Variants in NT5DC2 observed in about 807,000 individuals in gnomAD.
NT5DC2 encodes the protein 5'-nucleotidase domain-containing protein 2.
In NT5DC2, 41 loss-of-function variants were observed where a neutral mutation model predicts 70.0. The ratio of observed to expected loss-of-function variants is 0.59; its 90% CI spans 0.46 to 0.76. The LOEUF (loss-of-function observed/expected upper bound fraction) is 0.76. Ranked by LOEUF, NT5DC2 falls within the 30% of genes least tolerant of loss-of-function variation. The probability of loss-of-function intolerance (pLI) is 0.00; values close to 1 mark genes in which losing one functional copy is unlikely to be tolerated. For missense variants in NT5DC2, 705 were observed against 783.2 expected (o/e 0.90, Z 1.19); for synonymous variants, 299 against 310.4 (o/e 0.96, Z 0.39).
In NT5DC2 at chr3:52,525,211, C is replaced by T. The variant is rs1278642191; in HGVS notation, c.1204G>A (p.Ala402Thr). ...YFGDHLYSDLADLMLRHGWRT... is the reference protein window; with the variant it reads ...YFGDHLYSDLTDLMLRHGWRT... The stretch of plus-strand genomic sequence containing the variant: ...CAGCCCAGCCCTGCCTCCCTCACCG[C>T]CAGATCACTATAGAGGTGGTCCCCG... Residue 402 changes from alanine (A) to threonine (T), a missense_variant and splice_region_variant, in exon 11 of 14, where the codon GCG (alanine) becomes ACG (threonine). Physicochemically the swap from Ala to Thr is moderately conservative, Grantham distance 58. Coordinates refer to ENST00000422318, the MANE Select transcript of NT5DC2 (RefSeq NM_001134231.2). 1.9e-6 allele frequency: 3 copies of T among 1,611,890 alleles called. No individual in the cohort carries two copies. The highest frequency in any genetic ancestry group is 1.1e-5 in the South Asian group (1 of 90,822).
Position 52,529,245 on chromosome 3 carries a change from C to T in NT5DC2, c.322G>A (p.Gly108Ser), listed in dbSNP as rs765295478. 2.1e-5 allele frequency: 34 copies of T among 1,613,892 alleles called. 1 individual carries two copies. Among genetic ancestry groups the T allele is most frequent in the Middle Eastern group, 3.3e-4 (2 of 6,084 alleles). The change falls in exon 2 of 14, where the codon GGC becomes AGC. Residue 108 changes from glycine (G) to serine (S), a missense_variant. Transcript: ENST00000422318. This position sits in a 1 kb window ranked among gnomAD's most constrained non-coding sequence, Gnocchi z 4.1. ...GCCAGGGTGTAGTCGTAGTCAAAGC[C>T]GTAGACCTCAACGTCACGCAGGCTG... is the stretch of plus-strand genomic sequence containing the variant. ...EISLRDVEVY[G>S]FDYDYTLAQY...
At position 52,527,426 on chromosome 3, in the gene NT5DC2, C is replaced by T. The variant is rs762460322; in HGVS notation, c.1038-51G>A. 12 of 1,585,376 alleles carry T rather than the reference C, an allele frequency of 7.6e-6. No homozygotes were observed. In the Admixed American group the frequency reaches 1.9e-4, roughly 25 times the overall value. On this transcript the variant is annotated intron_variant, in intron 9 of 13. Transcript: ENST00000422318. ...TTCCAGTCTGTGGCTGGGCCACGGG[C>T]CGGGCAACCCCCATCCCTCCTCCGT...
chr3:52,525,285 A>AGCGT lies in NT5DC2; in HGVS notation c.1129_1130insACGC (p.Phe377TyrfsTer3). 6.2e-7 allele frequency: 1 copy of AGCGT among 1,612,710 alleles called. No individual in the cohort carries two copies. The highest frequency in any genetic ancestry group is 1.1e-5 in the South Asian group (1 of 90,934). ...CCATTCCGTCAAGCGTAAGAAGTCA[A>AGCGT]ACAGGTTTCCCTAGGGAGAGGAGGG... On this transcript the variant is annotated frameshift_variant, in exon 11 of 14. Transcript: ENST00000422318. LOFTEE classifies it high-confidence loss of function.
intron 1 of NT5DC2, 91 bp downstream of exon 1, chr3:52,533,415 T>G: frequency 7.5e-7 from 1 of 1,338,982 alleles, no homozygotes; most frequent in Non-Finnish European, 9.9e-7. Flanking sequence ...CCACTGGGTG[T>G]TTCCCCGGAG....
In NT5DC2 at chr3:52,528,440, G is replaced by A; in HGVS notation, c.642+6C>T. 1 of 1,613,492 alleles carries A rather than the reference G, an allele frequency of 6.2e-7. No individual in the cohort carries two copies. The highest frequency in any genetic ancestry group is 1.3e-5 in the African/African-American group (1 of 75,046). On this transcript the variant is annotated splice_donor_region_variant and intron_variant, in intron 5 of 13. Transcript: ENST00000422318. ...GGGGCAGGCTGGCTGCTGGGGTATG[G>A]AGTACCTTGCCATAGAAGCCACTCA... is the stretch of plus-strand genomic sequence containing the variant.
chr3:52,527,263 C>T (rs1379853205), intron 10 of NT5DC2, 31 bp downstream of exon 10: 3 of 1,607,678 alleles, frequency 1.9e-6, no homozygotes, highest in East Asian at 2.2e-5. Flanking sequence ...CATGCCCCCA[C>T]CACATGCTGC....
At chr3:52,527,467 C>G (rs1184671109) in intron 9 of NT5DC2, 92 bp from the exon 10 acceptor site, 2 of 1,482,268 alleles carry the variant, frequency 1.3e-6, no homozygotes, top group Non-Finnish European at 1.9e-6. Context: ...CCCACCTGCT[C>G]AAGTGGACCC....
rs1274685263 is a variant in NT5DC2, at chr3:52,528,466, T to C, written c.622A>G (p.Met208Val). The C allele has an allele frequency of 6.2e-7, 1 of 1,613,584 alleles. No homozygotes were observed. The highest frequency in any genetic ancestry group is 8.5e-7 in the Non-Finnish European group (1 of 1,180,008). Reference sequence around the variant, plus strand: ...AGTACCTTGCCATAGAAGCCACTCATCTGGTATAGTGGGATGTGCTGGGTA... The same window carrying C: ...AGTACCTTGCCATAGAAGCCACTCACCTGGTATAGTGGGATGTGCTGGGTA... ...GGTQHIPLYQ[M>V]SGFYGKGPSI... Residue 208 changes from methionine (M) to valine (V), a missense_variant, in exon 5 of 14, where the codon ATG becomes GTG. Met to Val is a conservative substitution (Grantham distance 21). Transcript: ENST00000422318.
At chr3:52,525,620 C>T (rs978532588) in intron 10 of NT5DC2, 2 of 305,222 alleles carry the variant, frequency 6.6e-6, no homozygotes. Context: ...GCTCTGCAGC[C>T]CTGAAGTCCT....
rs367581129 is a variant in NT5DC2, at chr3:52,529,297, T to C, written c.270A>G (p.Pro90=). 3.7e-6 allele frequency: 6 copies of C among 1,613,694 alleles called. No homozygotes were observed. Among genetic ancestry groups the C allele is most frequent in the Non-Finnish European group, 5.1e-6 (6 of 1,179,948 alleles). The part of the protein sequence containing the change: ...LPPEVCSLLN[P]AAIYANNEIS... The stretch of plus-strand genomic sequence containing the variant: ...TCTCGTTGTTGGCGTAGATGGCTGC[T>C]GGGTTCAGGAGACTGCAGACCTCGG... The change falls in exon 2 of 14, where the codon CCA becomes CCG. Residue 90 remains proline, a synonymous_variant. Transcript: ENST00000422318. This position sits in a 1 kb window ranked among gnomAD's most constrained non-coding sequence, Gnocchi z 4.1.
chr3:52,524,481 G>A lies in NT5DC2; in HGVS notation c.1663C>T (p.His555Tyr). 1 of 1,612,836 alleles carries A rather than the reference G, an allele frequency of 6.2e-7. No individual in the cohort carries two copies. Among genetic ancestry groups the A allele is most frequent in the African/African-American group, 1.3e-5 (1 of 75,050 alleles). Residue 555 changes from histidine to tyrosine, a missense_variant, in exon 14 of 14, where the codon CAC becomes TAC. Transcript: ENST00000422318. Reference protein sequence around the residue: ...MKTPFLGDMAHIR With the variant: ...MKTPFLGDMAYIR Reference sequence around the variant, plus strand: ...CAATAAAGGTGCCCTCAGCGGATGTGGGCCATGTCACCAAGGAAGGGGGTC... The same window carrying A: ...CAATAAAGGTGCCCTCAGCGGATGTAGGCCATGTCACCAAGGAAGGGGGTC...
Position 52,533,605 on chromosome 3 carries a change from C to T in NT5DC2, c.133G>A (p.Gly45Ser). The T allele has an allele frequency of 8.0e-7, 1 of 1,250,624 alleles. No individual in the cohort carries two copies. Among genetic ancestry groups the T allele is most frequent in the Non-Finnish European group, 1.0e-6 (1 of 998,572 alleles). 77.5% of individuals were successfully genotyped at this position (1,250,624 alleles called of 1,614,324 possible). A position where few individuals can be genotyped will look rare whatever the true frequency, so the allele number is the denominator to read the frequency against. ...GPPGPGAHCPGVPRSAPAQAP... is the reference protein window; with the variant it reads ...GPPGPGAHCPSVPRSAPAQAP... ...TGGGCGGGCGCGGAGCGCGGGACGCCGGGGCAGTGGGCGCCGGGACCCGGG... is the reference window on the plus strand; with the variant it reads ...TGGGCGGGCGCGGAGCGCGGGACGCTGGGGCAGTGGGCGCCGGGACCCGGG... The change falls in exon 1 of 14, where the codon GGC (glycine) becomes AGC (serine). Residue 45 changes from glycine to serine, a missense_variant. Coordinates refer to ENST00000422318, the MANE Select transcript of NT5DC2 (RefSeq NM_001134231.2).
At chr3:52,527,220 GC>G (rs1462815433) in intron 10 of NT5DC2, 73 bp downstream of exon 10, 5 of 1,378,002 alleles carry the variant, frequency 3.6e-6, no homozygotes, top group Non-Finnish European at 5.2e-6. Context: ...TTCAGAGGCT[GC>G]CTCTGCACAG....
chr3:52,533,700 C>T lies in NT5DC2; in HGVS notation c.38G>A (p.Trp13Ter). 9.7e-7 allele frequency: 1 copy of T among 1,032,944 alleles called. No individual in the cohort carries two copies. Among genetic ancestry groups the T allele is most frequent in the Non-Finnish European group, 1.2e-6 (1 of 862,766 alleles). 64.0% of individuals were successfully genotyped at this position (1,032,944 alleles called of 1,614,324 possible). The change falls in exon 1 of 14, where the codon TGG becomes TAG. Residue 13 changes from tryptophan to a stop codon, truncating the protein, a stop_gained. Transcript: ENST00000422318. LOFTEE classifies it high-confidence loss of function. ...CCCGCCGTGGCCTCCGCACAGCAGC[C>T]AGCGCCGAGCGGCCGCCCGCAGCCC... is the stretch of plus-strand genomic sequence containing the variant. ...GAGLRAAARR[W>*]LLCGGHGGPR... is the part of the protein sequence containing the mutation.
At position 52,529,326 on chromosome 3, in the gene NT5DC2, G is replaced by T; in HGVS notation, c.241C>A (p.Pro81Thr). The change falls in exon 2 of 14, where the codon CCC becomes ACC. Residue 81 changes from proline (P) to threonine (T), a missense_variant. Coordinates refer to ENST00000422318, the MANE Select transcript of NT5DC2 (RefSeq NM_001134231.2). The surrounding 1 kb of genome is among the most constrained non-coding windows in gnomAD (Gnocchi z 4.1). ...DMRRLVHDLL[P>T]PEVCSLLNPA... ...TTCAGGAGACTGCAGACCTCGGGGG[G>T]CAGGAGGTCTAGAGGAAGGAGATGC... is the stretch of plus-strand genomic sequence containing the variant. 1 of 1,613,496 alleles carries T rather than the reference G, an allele frequency of 6.2e-7. No homozygotes were observed. The highest frequency in any genetic ancestry group is 8.5e-7 in the Non-Finnish European group (1 of 1,179,904).
intron 10 of NT5DC2, chr3:52,526,035 G>A (rs1236014692): frequency 7.3e-6 from 1 of 137,228 alleles, no homozygotes; most frequent in Non-Finnish European, 1.6e-5. Context: ...CAAAGGGCAG[G>A]AGACTGACAG....
rs767321971 is a variant in NT5DC2 at position 52,528,943 on chromosome 3, G to A, written c.418-8C>T. 2.5e-6 allele frequency: 4 copies of A among 1,613,820 alleles called. No homozygotes were observed. In the South Asian group the frequency reaches 3.3e-5, roughly 13 times the overall value. On this transcript the variant is annotated splice_region_variant and splice_polypyrimidine_tract_variant and intron_variant, in intron 2 of 13. Coordinates refer to ENST00000422318, the MANE Select transcript of NT5DC2 (RefSeq NM_001134231.2). Reference sequence around the variant, plus strand: ...CCGAATCCCTTCTGGGTACTGCCGGGGGAAAGGGGCCAGGCCTAAGCCAAT... The same window carrying A: ...CCGAATCCCTTCTGGGTACTGCCGGAGGAAAGGGGCCAGGCCTAAGCCAAT...
In NT5DC2 at chr3:52,524,985, G is replaced by C; in HGVS notation, c.1325C>G (p.Thr442Arg). The C allele has an allele frequency of 6.2e-7, 1 of 1,611,022 alleles. No individual in the cohort carries two copies. The highest frequency in any genetic ancestry group is 2.2e-5 in the East Asian group (1 of 44,828). The change falls in exon 12 of 14, where the codon ACG becomes AGG. Residue 442 changes from threonine (T) to arginine (R), a missense_variant. By Grantham distance (71) the Thr-to-Arg change is moderately conservative. Transcript: ENST00000422318. ...MHSLTWQQAL[T>R]GLLERMQTYQ... ...CACCTGCATGCGCTCCAGCAGCCCC[G>C]TGAGCGCCTGCTGCCACGTCAGCGA...
At chr3:52,534,255 C>G, upstream of NT5DC2, 1 of 544,810 alleles carries the variant, frequency 1.8e-6, no homozygotes, top group Non-Finnish European at 3.3e-6. Context: ...CGCTCCTCCC[C>G]CTAGTCCTGG....
Sources: allele counts gnomAD v4.1 joint callset, GRCh38; gene constraint gnomAD v4.1.1; non-coding constraint Gnocchi (gnomAD v3.1); transcripts MANE v1.5; gene names NCBI Gene and HGNC (gene_info 2026-07-23, HGNC 2026-07-21).